The following SFPQ variants were observed in gnomAD, a reference collection of about 807,000 sequenced individuals.
The protein encoded by SFPQ is splicing factor proline and glutamine rich.
A neutral mutation model predicts 72.9 loss-of-function variants in SFPQ; 11 were observed. The ratio of observed to expected loss-of-function variants is 0.15; its 90% CI spans 0.09 to 0.25. The LOEUF is 0.25. Among genes scored for constraint, SFPQ ranks in the 10% least tolerant of loss-of-function variants. The probability of loss-of-function intolerance (pLI) is 1.00; values close to 1 mark genes in which losing one functional copy is unlikely to be tolerated. For synonymous variants in SFPQ, 506 were observed against 367.3 expected, an observed-to-expected ratio of 1.38 and a Z score of -4.32; for missense variants, 847 against 993.3, an observed-to-expected ratio of 0.85 and a Z score of 1.98.
At chr1:35,182,246 C>T, downstream of SFPQ, 1 of 985,308 alleles carries the variant, frequency 1.0e-6, no homozygotes, top group Non-Finnish European at 1.2e-6. Flanking sequence ...TTAGTAGAGT[C>T]CCTACTATAT....
At chr1:35,177,975 T>G (rs757145668), downstream of SFPQ, 1 of 1,238,750 alleles carries the variant, frequency 8.1e-7, no homozygotes, top group African/African-American at 1.6e-5. Flanking sequence ...TTAAGATTTC[T>G]AAAGGAAACT....
chr1:35,181,463 A>C, downstream of SFPQ: 1 of 1,063,664 alleles, frequency 9.4e-7, no homozygotes, highest in Non-Finnish European at 1.1e-6. Flanking sequence ...GGTACAATAC[A>C]TCTATAAAGA....
downstream of SFPQ, chr1:35,181,643 G>A (rs115367037): frequency 3.6e-4 from 387 of 1,060,346 alleles, 2 homozygotes; most frequent in African/African-American, 5.8e-3. Flanking sequence ...AACAACCAGT[G>A]TTCCTCTTAA....
At position 35,193,105 on chromosome 1, in the gene SFPQ, G is replaced by T; in HGVS notation, c.-56C>A. 1 of 1,499,244 alleles carries T rather than the reference G, an allele frequency of 6.7e-7. No individual in the cohort carries two copies. The highest frequency in any genetic ancestry group is 8.8e-7 in the Non-Finnish European group (1 of 1,132,664). The allele number at this position is 1,499,244 out of a possible 1,614,324, so 92.9% of individuals were successfully genotyped here. A position where few individuals can be genotyped will look rare whatever the true frequency, so the allele number is the denominator to read the frequency against. On this transcript the variant is annotated 5_prime_UTR_variant, in exon 1 of 10. Transcript: ENST00000357214. ...GCGAAGAAGACGCTCAGGAAACGTG[G>T]AGGCCACCTTGCTTCTCACAAAATG...
intron 5 of SFPQ, among the ~76,000 whole-genome samples, chr1:35,176,944 A>G (rs939752888): frequency 6.6e-6 from 1 of 151,870 alleles, no homozygotes; most frequent in African/African-American, 2.4e-5. Context: ...GGCAGGGCGG[A>G]GTGGCTCAAG....
chr1:35,192,236 T>C lies in SFPQ; in HGVS notation c.814A>G (p.Ile272Val). Reference sequence around the variant, plus strand: ...TAGACACTCACCTCCGAGTCCGAGATCTTCTCCTCGCTGCGGCCGCCGGGC... The same window carrying C: ...TAGACACTCACCTCCGAGTCCGAGACCTTCTCCTCGCTGCGGCCGCCGGGC... ...GGPGGRSEEK[I>V]SDSEGFKANL... Residue 272 changes from isoleucine to valine, a missense_variant, in exon 1 of 10, where the codon ATC becomes GTC. Ile to Val is a conservative substitution (Grantham distance 29). Transcript: ENST00000357214. The C allele has an allele frequency of 2.1e-6, 3 of 1,460,446 alleles. No homozygotes were observed. Among genetic ancestry groups the C allele is most frequent in the Non-Finnish European group, 2.7e-6 (3 of 1,113,628 alleles). The allele number at this position is 1,460,446 out of a possible 1,614,324, so 90.5% of individuals were successfully genotyped here.
intron 2 of SFPQ, 33 bp downstream of exon 2, chr1:35,191,308 T>C (rs1164673885): frequency 6.3e-7 from 1 of 1,590,742 alleles, no homozygotes; most frequent in Non-Finnish European, 8.6e-7. Context: ...CCACCCTTTT[T>C]AATTCTACGT....
downstream of SFPQ, chr1:35,178,850 T>C (rs921326579): frequency 1.9e-6 from 2 of 1,050,782 alleles, no homozygotes; most frequent in Non-Finnish European, 2.3e-6. Context: ...ATTCTCCACA[T>C]TGTCCTATCT....
Position 35,184,379 on chromosome 1 carries a change from T to C in SFPQ, c.*77A>G, listed in dbSNP as rs1273506959. 1.9e-6 allele frequency: 3 copies of C among 1,568,844 alleles called. No homozygotes were observed. In the African/African-American group the frequency reaches 4.2e-5, roughly 22 times the overall value. On this transcript the variant is annotated 3_prime_UTR_variant, in exon 10 of 10. Coordinates refer to ENST00000357214, the MANE Select transcript of SFPQ (RefSeq NM_005066.3). Reference sequence around the variant, plus strand: ...ATCCATAAAAAGATAGCTTTCTTACTAAAATGCAAGAATTTAAAAGATTGG... The same window carrying C: ...ATCCATAAAAAGATAGCTTTCTTACCAAAATGCAAGAATTTAAAAGATTGG...
At position 35,192,855 on chromosome 1, in the gene SFPQ, TGGA is replaced by T; in HGVS notation, c.192_194del (p.Pro65del). 1 of 1,533,110 alleles carries T rather than the reference TGGA, an allele frequency of 6.5e-7. No homozygotes were observed. Among genetic ancestry groups the T allele is most frequent in the East Asian group, 2.5e-5 (1 of 39,460 alleles). The allele number at this position is 1,533,110 out of a possible 1,614,324, so 95.0% of individuals were successfully genotyped here. A position where few individuals can be genotyped will look rare whatever the true frequency, so the allele number is the denominator to read the frequency against. ...GTGGTGGCTGTTGCTGCTGTTGGTG[TGGA>T]GGCGGTGGCGGGATCGGAGGCTTAG... On this transcript the variant is annotated inframe_deletion, in exon 1 of 10. Transcript: ENST00000357214.
rs1400312801 is a variant in SFPQ, at chr1:35,184,314, A to G, written c.*142T>C. 6.8e-6 allele frequency: 10 copies of G among 1,476,514 alleles called. No individual in the cohort carries two copies. Among genetic ancestry groups the G allele is most frequent in the Non-Finnish European group, 8.9e-6 (10 of 1,122,160 alleles). The allele number at this position is 1,476,514 out of a possible 1,614,324, so 91.5% of individuals were successfully genotyped here. ...TGCATTACATAATTTTACCTGCCCA[A>G]ACAGACCATTTACAAATATTAGGTC... On this transcript the variant is annotated 3_prime_UTR_variant, in exon 10 of 10. Transcript: ENST00000357214.
At position 35,183,139 on chromosome 1, in the gene SFPQ, A is replaced by G; in HGVS notation, c.*1317T>C. On this transcript the variant is annotated 3_prime_UTR_variant, in exon 10 of 10. Coordinates refer to ENST00000357214, the MANE Select transcript of SFPQ (RefSeq NM_005066.3). ...CCAATAGATTTTTATAGTCCTATAG[A>G]TTTTGCCCAACAGAAGTAGCACAAG... is the stretch of plus-strand genomic sequence containing the variant. The G allele has an allele frequency of 9.7e-7, 1 of 1,026,428 alleles. No individual in the cohort carries two copies. The highest frequency in any genetic ancestry group is 1.2e-6 in the Non-Finnish European group (1 of 854,604). The allele number at this position is 1,026,428 out of a possible 1,614,324, so 63.6% of individuals were successfully genotyped here.
intron 7 of SFPQ, 86 bp from the exon 8 acceptor site, chr1:35,187,337 T>C: frequency 8.2e-7 from 1 of 1,224,510 alleles, no homozygotes; most frequent in Non-Finnish European, 1.2e-6. Flanking sequence ...AAGAGTTAAA[T>C]AAAAAACATG....
At position 35,187,249 on chromosome 1, in the gene SFPQ, C is replaced by T. The variant is rs772510250; in HGVS notation, c.1818G>A (p.Arg606=). The change falls in exon 8 of 10, where the codon CGG becomes CGA. Residue 606 remains arginine (R), a splice_region_variant and synonymous_variant. Transcript: ENST00000357214. ...SYSRMGYMDP[R]ERDMRMGGGG... ...CGCCACCCATTCGCATGTCTCTTTC[C>T]CGCTGCAAGAAAAAAATTCCTTTCA... 2 of 1,614,008 alleles carry T rather than the reference C, an allele frequency of 1.2e-6. No homozygotes were observed. Among genetic ancestry groups the T allele is most frequent in the African/African-American group, 2.7e-5 (2 of 74,916 alleles).
downstream of SFPQ, chr1:35,180,947 G>C: frequency 1.0e-6 from 1 of 985,340 alleles, no homozygotes; most frequent in African/African-American, 1.7e-5. Flanking sequence ...AACTGCAACA[G>C]CACTGAATTC....
downstream of SFPQ, chr1:35,182,367 C>T: frequency 4.1e-6 from 4 of 985,392 alleles, no homozygotes; most frequent in Non-Finnish European, 4.8e-6. Flanking sequence ...AACTTCCTCA[C>T]TGATATAATC....
downstream of SFPQ, chr1:35,180,133 G>A (rs1639406520): frequency 3.8e-6 from 4 of 1,048,874 alleles, no homozygotes; most frequent in African/African-American, 1.7e-5. Context: ...AAGTCTCATA[G>A]TCATGAAGTT....
Position 35,183,857 on chromosome 1 carries a change from G to C in SFPQ, c.*599C>G. ...CATATTCCTGAAGATTTACAGTTCA[G>C]CTTTGCTTACATAACCATTTAAAAA... On this transcript the variant is annotated 3_prime_UTR_variant, in exon 10 of 10. Coordinates refer to ENST00000357214, the MANE Select transcript of SFPQ (RefSeq NM_005066.3). 2.8e-6 allele frequency: 3 copies of C among 1,054,746 alleles called. No homozygotes were observed. Among genetic ancestry groups the C allele is most frequent in the Non-Finnish European group, 3.4e-6 (3 of 872,624 alleles). The allele number at this position is 1,054,746 out of a possible 1,614,324, so 65.3% of individuals were successfully genotyped here.
chr1:35,188,123 G>C, intron 6 of SFPQ, 33 bp from the exon 7 acceptor site: 1 of 1,444,248 alleles, frequency 6.9e-7, no homozygotes, highest in Non-Finnish European at 9.7e-7. Context: ...TAACTGAAGT[G>C]TTATCCACAT....
Sources: allele counts gnomAD v4.1 joint callset (sites outside exome capture counted in the v4.1 genomes callset), GRCh38; gene constraint gnomAD v4.1.1; transcripts MANE v1.5; gene names NCBI Gene and HGNC (gene_info 2026-07-23, HGNC 2026-07-21).